Variants in NOL10 observed in about 807,000 individuals in gnomAD.
The protein encoded by NOL10 is H_NH0074G24.1.
NOL10 carries 58 observed loss-of-function variants against 103.5 expected under a neutral mutation model. The ratio of observed to expected loss-of-function variants is 0.56; its 90% CI spans 0.45 to 0.70. The LOEUF (loss-of-function observed/expected upper bound fraction) is 0.70. NOL10 is among the 30% of genes least tolerant of loss of function. The pLI, the probability that NOL10 is intolerant of heterozygous loss-of-function variation, is 0.00. For synonymous variants in NOL10, 287 were observed against 282.5 expected (o/e 1.02, Z -0.16); for missense variants, 763 against 807.3 (o/e 0.95, Z 0.67).
At chr2:10,660,938 TAA>T (rs201143409) in intron 9 of NOL10, among the ~76,000 whole-genome samples, 7 of 137,892 alleles carry the variant, frequency 5.1e-5, no homozygotes, top group Admixed American at 1.5e-4. Context: ...AGCAAAGCAT[TAA>T]AAAAAAAAAA....
chr2:10,664,853 A>G (rs1395799294), intron 8 of NOL10, among the ~76,000 whole-genome samples: 1 of 152,230 alleles, frequency 6.6e-6, no homozygotes, highest in Non-Finnish European at 1.5e-5. Flanking sequence ...TGTTTTTAAA[A>G]AAATGCTTGT....
At chr2:10,640,421 T>A (rs1479815827) in intron 13 of NOL10, among the ~76,000 whole-genome samples, 1 of 152,190 alleles carries the variant, frequency 6.6e-6, no homozygotes, top group East Asian at 1.9e-4. Flanking sequence ...AGTCCAAGTT[T>A]CAGCATAATG....
At chr2:10,648,123 A>G (rs1182111346) in intron 12 of NOL10, among the ~76,000 whole-genome samples, 1 of 152,252 alleles carries the variant, frequency 6.6e-6, no homozygotes, top group Non-Finnish European at 1.5e-5. Flanking sequence ...GTGGCTGATG[A>G]GCCATAGGAG....
At chr2:10,587,512 G>GC (rs35920322) in intron 19 of NOL10, among the ~76,000 whole-genome samples, 25 of 149,232 alleles carry the variant, frequency 1.7e-4, no homozygotes, top group South Asian at 4.3e-4. Flanking sequence ...CTCATGATCT[G>GC]CCCCCCCCTT....
At chr2:10,625,684 G>C (rs919775701) in intron 13 of NOL10, among the ~76,000 whole-genome samples, 17 of 152,050 alleles carry the variant, frequency 1.1e-4, no homozygotes, top group Non-Finnish European at 2.1e-4. Context: ...TACGGTGCTA[G>C]TAATACAGTA....
chr2:10,583,476 C>T (rs1558267554), intron 19 of NOL10, among the ~76,000 whole-genome samples: 2 of 152,206 alleles, frequency 1.3e-5, no homozygotes, highest in African/African-American at 4.8e-5. Flanking sequence ...CCGATGGACA[C>T]TGCCATTGGT....
At chr2:10,586,847 A>C (rs1396774675) in intron 19 of NOL10, among the ~76,000 whole-genome samples, 1 of 151,550 alleles carries the variant, frequency 6.6e-6, no homozygotes, top group Non-Finnish European at 1.5e-5. Context: ...AGAACATACA[A>C]AATATGTGGT....
intron 3 of NOL10, among the ~76,000 whole-genome samples, chr2:10,681,599 T>C (rs1000434931): frequency 1.1e-4 from 17 of 152,346 alleles, no homozygotes; most frequent in South Asian, 2.1e-4. Flanking sequence ...ATAAATGTTT[T>C]TACCTTGAAA....
chr2:10,594,706 G>A (rs11684537), intron 17 of NOL10, among the ~76,000 whole-genome samples: 52,285 of 152,014 alleles, frequency 0.34, 9,425 homozygotes, highest in Non-Finnish European at 0.4. Context: ...TAGCACTTAC[G>A]TAGGCCAGGC....
chr2:10,616,755 C>G (rs1558292409), intron 13 of NOL10, among the ~76,000 whole-genome samples: 1 of 151,092 alleles, frequency 6.6e-6, no homozygotes, highest in Non-Finnish European at 1.5e-5. Flanking sequence ...CGCCATGTTG[C>G]CCAGGCTGGT....
intron 20 of NOL10, among the ~76,000 whole-genome samples, chr2:10,574,429 T>C (rs1405819662): frequency 1.3e-5 from 2 of 152,160 alleles, no homozygotes; most frequent in Non-Finnish European, 2.9e-5. Context: ...GGGCAGATCA[T>C]GAGGTCAGGA....
At chr2:10,593,189 A>G (rs1322388349) in intron 17 of NOL10, among the ~76,000 whole-genome samples, 1 of 149,842 alleles carries the variant, frequency 6.7e-6, no homozygotes. Context: ...CGCAGGCTGG[A>G]GTGCAGTGGT....
chr2:10,579,603 C>T (rs560314348), intron 19 of NOL10, among the ~76,000 whole-genome samples: 15 of 144,504 alleles, frequency 1.0e-4, no homozygotes, highest in East Asian at 8.1e-4. Context: ...GAAGTGTAAA[C>T]GGACTCTGGC....
chr2:10,666,104 G>GGTACCCAACT (rs1680552386), intron 8 of NOL10, among the ~76,000 whole-genome samples: 1 of 152,006 alleles, frequency 6.6e-6, no homozygotes, highest in Non-Finnish European at 1.5e-5. Context: ...AGTACCCAAC[G>GGTACCCAACT]GTTAGCTCCC....
intron 9 of NOL10, among the ~76,000 whole-genome samples, chr2:10,659,660 C>G (rs1680067762): frequency 6.6e-6 from 1 of 152,040 alleles, no homozygotes; most frequent in African/African-American, 2.4e-5. Flanking sequence ...TGCAGTGGAG[C>G]TCTGCTGGGA....
At chr2:10,583,323 T>C (rs1372537105) in intron 19 of NOL10, among the ~76,000 whole-genome samples, 1 of 152,184 alleles carries the variant, frequency 6.6e-6, no homozygotes, top group East Asian at 1.9e-4. Context: ...TCAAGTAAAA[T>C]ATTTGTTTTT....
chr2:10,593,877 C>G (rs1046450058), intron 17 of NOL10, among the ~76,000 whole-genome samples: 3 of 152,124 alleles, frequency 2.0e-5, no homozygotes, highest in Non-Finnish European at 4.4e-5. Flanking sequence ...CCTTTACCCC[C>G]CCAAGCAGGA....
rs574091916 is a variant in NOL10, at chr2:10,622,753, A to T, written c.1027-15442T>A. On this transcript the variant is annotated intron_variant, in intron 13 of 20. Coordinates refer to ENST00000381685, the MANE Select transcript of NOL10 (RefSeq NM_024894.4). Reference sequence around the variant, plus strand: ...TTTTTTTTCTCCAGAAAATTCAAGAACCTAACTCATAACCTTTGACCTTTT... The same window carrying T: ...TTTTTTTTCTCCAGAAAATTCAAGATCCTAACTCATAACCTTTGACCTTTT... Among the ~76,000 whole-genome samples, 14 of 152,262 alleles carry T rather than the reference A, an allele frequency of 9.2e-5. No individual in the cohort carries two copies. The South Asian group carries it at 2.7e-3, about 29-fold the overall frequency.
At chr2:10,616,683 G>A (rs1676851625) in intron 13 of NOL10, among the ~76,000 whole-genome samples, 1 of 152,022 alleles carries the variant, frequency 6.6e-6, no homozygotes, top group Admixed American at 6.6e-5. Flanking sequence ...CAAGTAGCTG[G>A]GACTACAGGT....
Sources: gnomAD v4.1 joint callset for allele counts (sites outside exome capture counted in the v4.1 genomes callset) on GRCh38, gnomAD v4.1.1 for gene constraint, MANE v1.5 for transcripts, NCBI Gene and HGNC (gene_info 2026-07-23, HGNC 2026-07-21) for gene names.